COL26A1: variants seen among roughly 807,000 people sequenced by gnomAD.
COL26A1 encodes the protein collagen alpha-1(XXVI) chain.
In COL26A1, 41 loss-of-function variants were observed where a neutral mutation model predicts 59.3. The ratio of observed to expected loss-of-function variants is 0.69; its 90% CI spans 0.54 to 0.90. The LOEUF is 0.90. Ranked by LOEUF, COL26A1 falls within the 40% of genes least tolerant of loss-of-function variation. COL26A1 has a pLI of 0.00. For synonymous variants in COL26A1, 266 were observed against 256.0 expected (o/e 1.04, Z -0.37); for missense variants, 612 against 602.3 (o/e 1.02, Z -0.17).
chr7:101,459,466 ATTT>A (rs71286269), intron 3 of COL26A1, among the ~76,000 whole-genome samples: 12 of 136,092 alleles, frequency 8.8e-5, no homozygotes, highest in Non-Finnish European at 1.9e-4. Context: ...CACCCGGCTA[ATTT>A]TTTTTTTTTT....
At chr7:101,529,242 C>T (rs1562790876) in intron 3 of COL26A1, among the ~76,000 whole-genome samples, 1 of 152,136 alleles carries the variant, frequency 6.6e-6, no homozygotes, top group Non-Finnish European at 1.5e-5. Flanking sequence ...AGGGATTGGG[C>T]TTGTAGTGCA....
At chr7:101,378,219 A>T (rs1376428774) in intron 1 of COL26A1, among the ~76,000 whole-genome samples, 2 of 152,098 alleles carry the variant, frequency 1.3e-5, no homozygotes, top group African/African-American at 4.8e-5. Context: ...GTCTCTACTA[A>T]AAATACAAAA....
At chr7:101,531,250 C>A (rs1446168080) in intron 3 of COL26A1, among the ~76,000 whole-genome samples, 2 of 152,182 alleles carry the variant, frequency 1.3e-5, no homozygotes, top group Non-Finnish European at 2.9e-5. Flanking sequence ...GGATTATAGG[C>A]GTGAGCCACC....
At chr7:101,447,825 G>C (rs182858067) in intron 3 of COL26A1, 38 bp downstream of exon 3, 5 of 1,340,704 alleles carry the variant, frequency 3.7e-6, no homozygotes, top group Non-Finnish European at 5.3e-6. Context: ...GGGGCCAGGC[G>C]TGGGCCAGGC....
intron 3 of COL26A1, among the ~76,000 whole-genome samples, chr7:101,485,342 T>G (rs1356644143): frequency 2.0e-5 from 3 of 152,154 alleles, no homozygotes. Flanking sequence ...CCAGAGGACT[T>G]TCACATCAGG....
Position 101,452,084 on chromosome 7 carries a change from C to T in COL26A1, c.385+4297C>T, listed in dbSNP as rs555881126. ...AATCTGAGCTGCAATGCATAGTGAG[C>T]GGTAACTCAAAGTGACATTCTCCTG... is the stretch of plus-strand genomic sequence containing the variant. On this transcript the variant is annotated intron_variant, in intron 3 of 12. Transcript: ENST00000313669. Among the ~76,000 whole-genome samples, 27 of 152,234 alleles carry T rather than the reference C, an allele frequency of 1.8e-4. 1 individual carries two copies. The South Asian group carries it at 2.3e-3, about 13-fold the overall frequency.
intron 1 of COL26A1, among the ~76,000 whole-genome samples, chr7:101,380,179 A>G (rs1383622270): frequency 6.6e-6 from 1 of 151,562 alleles, no homozygotes; most frequent in East Asian, 1.9e-4. Context: ...TTTAGTAGTG[A>G]TGGGGTTTCA....
intron 3 of COL26A1, among the ~76,000 whole-genome samples, chr7:101,525,289 C>T (rs1324487613): frequency 1.4e-5 from 2 of 143,128 alleles, no homozygotes; most frequent in Non-Finnish European, 3.0e-5. Flanking sequence ...TCAAGCCATT[C>T]TCCTGCCTCA....
intron 2 of COL26A1, among the ~76,000 whole-genome samples, chr7:101,435,372 T>A (rs889858485): frequency 6.6e-6 from 1 of 152,132 alleles, no homozygotes; most frequent in Non-Finnish European, 1.5e-5. Context: ...AGGAAGCCCC[T>A]GGCTGGAGGC....
intron 3 of COL26A1, among the ~76,000 whole-genome samples, chr7:101,508,938 G>A (rs924996649): frequency 3.3e-5 from 5 of 152,120 alleles, no homozygotes; most frequent in African/African-American, 4.8e-5. Flanking sequence ...CCAGGAGGTC[G>A]AAGCTGCAGT....
intron 1 of COL26A1, among the ~76,000 whole-genome samples, chr7:101,389,410 C>T (rs1183920553): frequency 7.4e-6 from 1 of 134,378 alleles, no homozygotes; most frequent in African/African-American, 2.8e-5. Flanking sequence ...GATGGAGTCT[C>T]ACTCTGAAGC....
At chr7:101,518,097 A>G (rs1795068732) in intron 3 of COL26A1, among the ~76,000 whole-genome samples, 1 of 152,088 alleles carries the variant, frequency 6.6e-6, no homozygotes, top group Non-Finnish European at 1.5e-5. Flanking sequence ...TACAGGTGTG[A>G]GCCACTGCAC....
chr7:101,520,662 A>ACACACACACACACACACAC (rs915256077), intron 3 of COL26A1, among the ~76,000 whole-genome samples: 7 of 143,240 alleles, frequency 4.9e-5, no homozygotes, highest in African/African-American at 1.8e-4. Context: ...ACACACACAC[A>ACACACACACACACACACAC]CCCCCGTGTT....
intron 3 of COL26A1, among the ~76,000 whole-genome samples, chr7:101,492,821 C>T (rs1426159700): frequency 6.6e-6 from 1 of 152,120 alleles, no homozygotes; most frequent in Non-Finnish European, 1.5e-5. Flanking sequence ...CTCACTGCAG[C>T]TTCCAGCTCC....
At position 101,522,182 on chromosome 7, in the gene COL26A1, A is replaced by G. The variant is rs114669785; in HGVS notation, c.386-10900A>G. ...GCTCCCAACCCTCCCTCACACCCGCATTGGTCAGCTGGCTCCTAATTAAGC... is the reference window on the plus strand; with the variant it reads ...GCTCCCAACCCTCCCTCACACCCGCGTTGGTCAGCTGGCTCCTAATTAAGC... On this transcript the variant is annotated intron_variant, in intron 3 of 12. Transcript: ENST00000313669. Among the ~76,000 whole-genome samples, 1,299 of 152,098 alleles carry G rather than the reference A, an allele frequency of 8.5e-3. 17 individuals carry two copies. Among genetic ancestry groups the G allele is most frequent in the African/African-American group, 0.03 (1,256 of 41,490 alleles).
At chr7:101,489,699 GTCTTTCTTTCTTTCA>G (rs1794364816) in intron 3 of COL26A1, among the ~76,000 whole-genome samples, 1 of 49,130 alleles carries the variant, frequency 2.0e-5, no homozygotes, top group South Asian at 7.5e-4. Context: ...CTTTCTTTCT[GTCTTTCTTTCTTTCA>G]TTCTTTCTTT....
At chr7:101,469,119 C>T (rs17384427) in intron 3 of COL26A1, among the ~76,000 whole-genome samples, 3,275 of 152,254 alleles carry the variant, frequency 0.022, 49 homozygotes, top group Non-Finnish European at 0.034. Context: ...AGACCTGCCT[C>T]GTGGGGCCCT....
At chr7:101,451,915 C>T (rs1337326588) in intron 3 of COL26A1, among the ~76,000 whole-genome samples, 1 of 152,062 alleles carries the variant, frequency 6.6e-6, no homozygotes, top group African/African-American at 2.4e-5. Context: ...CCATTTTGGC[C>T]AGGCTGGTCT....
chr7:101,387,648 T>C (rs1482129764), intron 1 of COL26A1, among the ~76,000 whole-genome samples: 1 of 142,682 alleles, frequency 7.0e-6, no homozygotes, highest in Non-Finnish European at 1.5e-5. Context: ...TCTCTCTCTT[T>C]ATATATATAT....
Sources: gnomAD v4.1 joint callset for allele counts (sites outside exome capture counted in the v4.1 genomes callset) on GRCh38, gnomAD v4.1.1 for gene constraint, MANE v1.5 for transcripts, NCBI Gene and HGNC (gene_info 2026-07-23, HGNC 2026-07-21) for gene names.